MAN1C1: variants seen among roughly 807,000 people sequenced by gnomAD.
MAN1C1 encodes mannosyl-oligosaccharide 1,2-alpha-mannosidase IC.
A neutral mutation model predicts 71.5 loss-of-function variants in MAN1C1; 49 were observed. The ratio of observed to expected loss-of-function variants is 0.69; its 90% CI spans 0.54 to 0.87. The LOEUF (loss-of-function observed/expected upper bound fraction) is 0.87, where lower values mean the gene tolerates loss of function less well. Among genes scored for constraint, MAN1C1 ranks in the 40% least tolerant of loss-of-function variants. The pLI is 0.00. For missense variants in MAN1C1, 743 were observed against 835.0 expected (o/e 0.89, Z 1.36); for synonymous variants, 352 against 343.7 (o/e 1.02, Z -0.27).
At chr1:25,765,499 G>C (rs1342475107) in intron 7 of MAN1C1, among the ~76,000 whole-genome samples, 1 of 152,204 alleles carries the variant, frequency 6.6e-6, no homozygotes, top group Non-Finnish European at 1.5e-5. Context: ...GGGCTCAGGG[G>C]CAAAGTGGGT....
chr1:25,640,224 G>C (rs1407445677), intron 1 of MAN1C1, among the ~76,000 whole-genome samples: 7 of 152,130 alleles, frequency 4.6e-5, no homozygotes, highest in Admixed American at 1.3e-4. Context: ...TATTGCAAAG[G>C]CTGCCTTTAA....
At position 25,617,052 on chromosome 1, in the gene MAN1C1, C is replaced by T. The variant is rs1019441571; in HGVS notation, c.-746C>T. On this transcript the variant is annotated 5_prime_UTR_variant, in exon 1 of 12. Transcript: ENST00000374332. The surrounding 1 kb of genome is among the most constrained non-coding windows in gnomAD (Gnocchi z 5.1). ...CCGCGCTCCCGGGCGCATCTGCAGC[C>T]GCCCAGCCGCGGCTCCGGACCCAGG... Among the ~76,000 whole-genome samples, 1 of 151,934 alleles carries T rather than the reference C, an allele frequency of 6.6e-6. No homozygotes were observed. The highest frequency in any genetic ancestry group is 1.5e-5 in the Non-Finnish European group (1 of 67,926).
At chr1:25,681,944 CT>C (rs1477680776) in intron 1 of MAN1C1, among the ~76,000 whole-genome samples, 9 of 148,110 alleles carry the variant, frequency 6.1e-5, no homozygotes, top group Admixed American at 3.3e-4. Flanking sequence ...GTCTAACCCC[CT>C]ATTTGCCTTA....
chr1:25,783,763 T>A lies in MAN1C1; in HGVS notation c.1867T>A (p.Ser623Thr). ...ACTCCCGGTGAACCACTCAGACAGC[T>A]CCGGCAGAGCCTGGGGCAGACACTG... The part of the protein sequence containing the change: ...HPLPVNHSDS[S>T]GRAWGRH The change falls in exon 12 of 12, where the codon TCC becomes ACC. Residue 623 changes from serine (S) to threonine (T), a missense_variant. By Grantham distance (58) the Ser-to-Thr change is moderately conservative. Transcript: ENST00000374332. The A allele has an allele frequency of 1.9e-6, 3 of 1,612,308 alleles. No individual in the cohort carries two copies. Among genetic ancestry groups the A allele is most frequent in the Non-Finnish European group, 2.5e-6 (3 of 1,179,998 alleles).
chr1:25,670,020 AAATG>A (rs1017373377), intron 1 of MAN1C1, among the ~76,000 whole-genome samples: 1 of 152,234 alleles, frequency 6.6e-6, no homozygotes, highest in African/African-American at 2.4e-5. Context: ...ACATGATTCT[AAATG>A]GATTTCCAAA....
At chr1:25,750,103 G>A (rs1340042349) in intron 4 of MAN1C1, among the ~76,000 whole-genome samples, 2 of 152,206 alleles carry the variant, frequency 1.3e-5, no homozygotes, top group African/African-American at 4.8e-5. Flanking sequence ...GTCCCACCCT[G>A]GGCCTCGCTT....
intron 2 of MAN1C1, among the ~76,000 whole-genome samples, chr1:25,706,836 G>T (rs1276518830): frequency 2.0e-5 from 3 of 152,312 alleles, no homozygotes; most frequent in East Asian, 1.9e-4. Flanking sequence ...TTTGTCAGTG[G>T]CTCTGTCCTT....
intron 1 of MAN1C1, among the ~76,000 whole-genome samples, chr1:25,643,421 A>ATTTTTTTTTT (rs11326338): frequency 2.7e-4 from 31 of 115,452 alleles, no homozygotes; most frequent in Non-Finnish European, 4.2e-4. Flanking sequence ...CGCCTGGCTA[A>ATTTTTTTTTT]TTTTTTTTTT....
intron 1 of MAN1C1, among the ~76,000 whole-genome samples, chr1:25,679,862 T>C (rs1022838427): frequency 1.5e-4 from 20 of 130,406 alleles, no homozygotes; most frequent in Non-Finnish European, 2.7e-4. Flanking sequence ...CATTTTTCTT[T>C]TTCTTTTTTT....
chr1:25,758,995 C>T (rs943010673), intron 6 of MAN1C1: 4 of 366,682 alleles, frequency 1.1e-5, no homozygotes, highest in Non-Finnish European at 2.0e-5. Flanking sequence ...AGCTCAGTGG[C>T]AACCACCCAT....
At chr1:25,637,567 T>C (rs1481106076) in intron 1 of MAN1C1, among the ~76,000 whole-genome samples, 1 of 152,092 alleles carries the variant, frequency 6.6e-6, no homozygotes, top group African/African-American at 2.4e-5. Flanking sequence ...GTCACTTAGG[T>C]CAGATAGGTT....
At chr1:25,663,085 C>T (rs1457315502) in intron 1 of MAN1C1, among the ~76,000 whole-genome samples, 1 of 146,554 alleles carries the variant, frequency 6.8e-6, no homozygotes, top group Non-Finnish European at 1.5e-5. Context: ...AGTGAGACTC[C>T]ATCTCAAAAA....
chr1:25,635,236 T>G (rs963392676), intron 1 of MAN1C1, among the ~76,000 whole-genome samples: 4 of 152,076 alleles, frequency 2.6e-5, no homozygotes, highest in Non-Finnish European at 5.9e-5. Context: ...TTTCATAGAC[T>G]TCATCAGTAG....
chr1:25,651,948 G>GCTGC (rs143244648), intron 1 of MAN1C1, among the ~76,000 whole-genome samples: 2,498 of 152,326 alleles, frequency 0.016, 63 homozygotes, highest in African/African-American at 0.056. Flanking sequence ...AGAAGACCCT[G>GCTGC]CTGCCTGCCT....
chr1:25,643,006 G>C (rs974315387), intron 1 of MAN1C1, among the ~76,000 whole-genome samples: 1 of 152,162 alleles, frequency 6.6e-6, no homozygotes, highest in Non-Finnish European at 1.5e-5. Flanking sequence ...CATTTGTCAG[G>C]GTTCTGTGGG....
chr1:25,753,712 A>C lies in MAN1C1; in HGVS notation c.929+134A>C. On this transcript the variant is annotated intron_variant, in intron 5 of 11. Transcript: ENST00000374332. This position sits in a 1 kb window ranked among gnomAD's most constrained non-coding sequence, Gnocchi z 4.9. ...AGCAGGAGGGGGGACCCTTGGGACC[A>C]CCTCTGTTGAACCCGTTCTTTTATG... 1.5e-6 allele frequency: 1 copy of C among 673,282 alleles called. No individual in the cohort carries two copies. Among genetic ancestry groups the C allele is most frequent in the Admixed American group, 2.9e-5 (1 of 34,842 alleles). 41.7% of individuals were successfully genotyped at this position (673,282 alleles called of 1,614,324 possible).
chr1:25,685,826 G>A (rs2046222054), intron 1 of MAN1C1, among the ~76,000 whole-genome samples: 1 of 152,206 alleles, frequency 6.6e-6, no homozygotes, highest in African/African-American at 2.4e-5. Flanking sequence ...ACTGGGGTGA[G>A]CTGGAGTGCA....
chr1:25,690,110 C>A (rs894700271), intron 2 of MAN1C1, among the ~76,000 whole-genome samples: 2 of 152,048 alleles, frequency 1.3e-5, no homozygotes, highest in African/African-American at 4.8e-5. Context: ...CTGGGTGAGG[C>A]GTCTCTGAAG....
chr1:25,766,339 T>C (rs2047426227), intron 7 of MAN1C1, among the ~76,000 whole-genome samples: 1 of 151,772 alleles, frequency 6.6e-6, no homozygotes, highest in Non-Finnish European at 1.5e-5. Flanking sequence ...TTCCTGTGGT[T>C]TTTTGTTGGT....
Sources: gnomAD v4.1 joint callset for allele counts (sites outside exome capture counted in the v4.1 genomes callset) on GRCh38, gnomAD v4.1.1 for gene constraint, Gnocchi (gnomAD v3.1) non-coding constraint, MANE v1.5 for transcripts, NCBI Gene and HGNC (gene_info 2026-07-23, HGNC 2026-07-21) for gene names.